Variants in NEDD4L observed in about 807,000 individuals in gnomAD.
NEDD4L encodes E3 ubiquitin-protein ligase NEDD4-like.
A neutral mutation model predicts 148.9 loss-of-function variants in NEDD4L; 54 were observed. That is an observed-to-expected ratio of 0.36 (90% confidence interval 0.29 to 0.45). The LOEUF (loss-of-function observed/expected upper bound fraction) is 0.45, where lower values mean the gene tolerates loss of function less well. Ranked by LOEUF, NEDD4L falls within the 20% of genes least tolerant of loss-of-function variation. The pLI is 1.00. For synonymous variants in NEDD4L, 433 were observed against 440.7 expected (o/e 0.98, Z 0.22); for missense variants, 856 against 1,233.8 (o/e 0.69, Z 4.59).
chr18:58,383,365 GC>G, intron 25 of NEDD4L, 46 bp downstream of exon 25: 1 of 1,074,858 alleles, frequency 9.3e-7, no homozygotes. Context: ...TAATTGAAAT[GC>G]ATGTTTGGTC....
chr18:58,391,081 C>T (rs2049769883), intron 29 of NEDD4L, among the ~76,000 whole-genome samples: 1 of 151,982 alleles, frequency 6.6e-6, no homozygotes, highest in South Asian at 2.1e-4. Context: ...AAGTCACCTC[C>T]AGTAGGCAGA....
Position 58,099,613 on chromosome 18 carries a change from G to A in NEDD4L, c.48+54905G>A, listed in dbSNP as rs922720992. 1.3e-4 allele frequency among the ~76,000 whole-genome samples: 20 copies of A among 152,256 alleles called. No individual in the cohort carries two copies. The East Asian group carries it at 1.9e-3, about 15-fold the overall frequency. On this transcript the variant is annotated intron_variant, in intron 1 of 30. Coordinates refer to ENST00000400345, the MANE Select transcript of NEDD4L (RefSeq NM_001144967.3). Reference sequence around the variant, plus strand: ...ATTTAGGCCAATCACATGTTAATGGGAATTGAATGCATGCATTAAACACAA... The same window carrying A: ...ATTTAGGCCAATCACATGTTAATGGAAATTGAATGCATGCATTAAACACAA...
chr18:58,368,996 G>C (rs79122156), intron 22 of NEDD4L, among the ~76,000 whole-genome samples: 3,896 of 152,214 alleles, frequency 0.026, 184 homozygotes, highest in African/African-American at 0.09. Flanking sequence ...TCTCTAACAG[G>C]GGGTAATAGA....
At chr18:58,083,789 A>G (rs1442802864) in intron 1 of NEDD4L, among the ~76,000 whole-genome samples, 1 of 152,266 alleles carries the variant, frequency 6.6e-6, no homozygotes, top group Non-Finnish European at 1.5e-5. Context: ...AATGAATGCT[A>G]TGCTATGCTG....
At chr18:58,243,697 G>A (rs2046916274) in intron 2 of NEDD4L, among the ~76,000 whole-genome samples, 1 of 152,168 alleles carries the variant, frequency 6.6e-6, no homozygotes, top group African/African-American at 2.4e-5. Context: ...GCCGGCTCTT[G>A]ATCCATCTTT....
intron 5 of NEDD4L, among the ~76,000 whole-genome samples, chr18:58,273,981 G>T (rs913750282): frequency 5.3e-5 from 8 of 152,192 alleles, no homozygotes; most frequent in African/African-American, 1.4e-4. Context: ...CTGGCCTTGG[G>T]GTTGCCCTGA....
chr18:58,073,154 T>C (rs1280720041), intron 1 of NEDD4L, among the ~76,000 whole-genome samples: 5 of 151,752 alleles, frequency 3.3e-5, no homozygotes, highest in Non-Finnish European at 7.4e-5. Context: ...ACATTGTTAA[T>C]ACGGCCAATA....
chr18:58,271,269 C>T (rs993134880), intron 5 of NEDD4L, among the ~76,000 whole-genome samples: 34 of 151,850 alleles, frequency 2.2e-4, no homozygotes, highest in African/African-American at 8.0e-4. Flanking sequence ...GAATTTCCTA[C>T]TGTGCTGTTA....
At chr18:58,273,861 C>A (rs1004367600) in intron 5 of NEDD4L, among the ~76,000 whole-genome samples, 8 of 152,202 alleles carry the variant, frequency 5.3e-5, no homozygotes, top group African/African-American at 7.2e-5. Context: ...GTGTGTTCTT[C>A]TTTAATTAAA....
At chr18:58,357,103 A>C in intron 18 of NEDD4L, 91 bp from the exon 19 acceptor site, 2 of 1,201,316 alleles carry the variant, frequency 1.7e-6, no homozygotes, top group Non-Finnish European at 2.4e-6. Context: ...CTTTTGAAGA[A>C]TCCAGAAATA....
intron 1 of NEDD4L, among the ~76,000 whole-genome samples, chr18:58,147,389 T>C (rs2034204374): frequency 6.6e-6 from 1 of 152,122 alleles, no homozygotes; most frequent in Admixed American, 6.5e-5. Context: ...ACTCTCCACG[T>C]TGCCACATTT....
chr18:58,165,962 C>A, intron 2 of NEDD4L, 101 bp downstream of exon 2: 1 of 960,566 alleles, frequency 1.0e-6, no homozygotes, highest in Non-Finnish European at 1.6e-6. Context: ...CTTCTTAAGA[C>A]AAAGCTGGCT....
intron 1 of NEDD4L, among the ~76,000 whole-genome samples, chr18:58,118,384 T>C (rs12605282): frequency 6.6e-6 from 1 of 152,262 alleles, no homozygotes; most frequent in Non-Finnish European, 1.5e-5. Context: ...CTGAAATTGG[T>C]GAAGCAGACT....
intron 2 of NEDD4L, chr18:58,221,782 GT>G: frequency 1.7e-5 from 16 of 923,372 alleles, no homozygotes; most frequent in Non-Finnish European, 2.1e-5. Context: ...ACCACTGTAT[GT>G]TTGCTATATG....
chr18:58,063,809 C>T (rs1007732631), intron 1 of NEDD4L, among the ~76,000 whole-genome samples: 4 of 151,920 alleles, frequency 2.6e-5, no homozygotes, highest in African/African-American at 9.7e-5. Flanking sequence ...CCGCCTCGGC[C>T]TCCCAAAGTG....
At chr18:58,359,017 G>T (rs1433939774) in intron 19 of NEDD4L, among the ~76,000 whole-genome samples, 1 of 152,070 alleles carries the variant, frequency 6.6e-6, no homozygotes, top group Non-Finnish European at 1.5e-5. Flanking sequence ...TAAAAAGAAT[G>T]TGTATTGTGT....
At chr18:58,074,538 G>A (rs898884576) in intron 1 of NEDD4L, among the ~76,000 whole-genome samples, 2 of 150,478 alleles carry the variant, frequency 1.3e-5, no homozygotes, top group Non-Finnish European at 2.9e-5. Flanking sequence ...CTCCCAAAGT[G>A]CTGGGATTAC....
intron 1 of NEDD4L, among the ~76,000 whole-genome samples, chr18:58,063,052 TTTTTTTTTTTTG>T (rs2082411378): frequency 1.9e-5 from 1 of 51,806 alleles, no homozygotes; most frequent in African/African-American, 5.8e-5. Context: ...TTTTTTTTTT[TTTTTTTTTTTTG>T]AGACAGTATC....
At chr18:58,360,934 C>G (rs144153611) in intron 19 of NEDD4L, among the ~76,000 whole-genome samples, 89 of 152,238 alleles carry the variant, frequency 5.8e-4, no homozygotes, top group African/African-American at 2.1e-3. Flanking sequence ...TTGGCACAGG[C>G]TTGGAGTATG....
Sources: gnomAD v4.1 joint callset for allele counts (sites outside exome capture counted in the v4.1 genomes callset) on GRCh38, gnomAD v4.1.1 for gene constraint, MANE v1.5 for transcripts, NCBI Gene and HGNC (gene_info 2026-07-23, HGNC 2026-07-21) for gene names.